The following ATP2B1 variants were observed in gnomAD, a reference collection of about 807,000 sequenced individuals.
ATP2B1 encodes the protein ATPase plasma membrane Ca2+ transporting 1.
A neutral mutation model predicts 124.2 loss-of-function variants in ATP2B1; 14 were observed. The ratio of observed to expected loss-of-function variants is 0.11; its 90% confidence interval spans 0.07 to 0.18. The LOEUF is 0.18. Among genes scored for constraint, ATP2B1 ranks in the 10% least tolerant of loss-of-function variants. The pLI is 1.00. For missense variants in ATP2B1, 763 were observed against 1,466.1 expected, an observed-to-expected ratio of 0.52 and a Z score of 7.83; for synonymous variants, 449 against 492.4, an observed-to-expected ratio of 0.91 and a Z score of 1.17.
chr12:89,676,341 T>C (rs1399200257), intron 1 of ATP2B1, among the ~76,000 whole-genome samples: 1 of 152,190 alleles, frequency 6.6e-6, no homozygotes, highest in Non-Finnish European at 1.5e-5. Flanking sequence ...TGGTGATGTA[T>C]TTTGTCAGAC....
At position 89,589,734 on chromosome 12, in the gene ATP2B1, G is replaced by A. The variant is rs1873208334; in HGVS notation, c.*1250C>T. The A allele has an allele frequency of 6.6e-6, 1 of 152,136 alleles. No homozygotes were observed. Among genetic ancestry groups the A allele is most frequent in the South Asian group, 2.1e-4 (1 of 4,822 alleles). 9.4% of individuals were successfully genotyped at this position (152,136 alleles called of 1,614,324 possible). A position where few individuals can be genotyped will look rare whatever the true frequency, so the allele number is the denominator to read the frequency against. On this transcript the variant is annotated 3_prime_UTR_variant, in exon 21 of 21. Transcript: ENST00000428670. ...ATTCCAATTGTGGTCAAAGAGAACA[G>A]ACTGATGCACTGTATATGCAGAACT...
chr12:89,599,786 G>GC (rs1343723924), intron 19 of ATP2B1, among the ~76,000 whole-genome samples: 2 of 151,926 alleles, frequency 1.3e-5, no homozygotes, highest in Admixed American at 6.6e-5. Context: ...TTTTTAAAAT[G>GC]CAACAGTTTA....
chr12:89,599,440 C>T (rs1875357478), intron 19 of ATP2B1, 141 bp from the exon 20 acceptor site: 2 of 884,352 alleles, frequency 2.3e-6, no homozygotes, highest in East Asian at 2.7e-5. Flanking sequence ...GTTGATTAGT[C>T]TTTCTCTCCC....
intron 1 of ATP2B1, among the ~76,000 whole-genome samples, chr12:89,671,337 C>A (rs1887953241): frequency 6.6e-6 from 1 of 152,130 alleles, no homozygotes; most frequent in Non-Finnish European, 1.5e-5. Context: ...AAAAGAAAAT[C>A]TGGCCTTTCT....
chr12:89,702,420 T>G (rs2136877012), intron 1 of ATP2B1, among the ~76,000 whole-genome samples: 1 of 152,308 alleles, frequency 6.6e-6, no homozygotes, highest in Middle Eastern at 3.4e-3. Context: ...GGCACAAATA[T>G]GAAAGGTAGA....
At chr12:89,694,455 G>C (rs942459926) in intron 1 of ATP2B1, among the ~76,000 whole-genome samples, 1 of 152,054 alleles carries the variant, frequency 6.6e-6, no homozygotes, top group African/African-American at 2.4e-5. Flanking sequence ...ATCTGCTTAT[G>C]GGGGGGTTAC....
intron 12 of ATP2B1, chr12:89,611,590 G>A (rs924557193): frequency 2.5e-6 from 1 of 399,726 alleles, no homozygotes. Flanking sequence ...CTCAGGCTTC[G>A]TTTTCAGTTG....
chr12:89,598,277 T>C (rs1217918369), intron 20 of ATP2B1, among the ~76,000 whole-genome samples: 4 of 152,192 alleles, frequency 2.6e-5, no homozygotes, highest in Admixed American at 2.6e-4. Context: ...TTTAAAGGCA[T>C]ATACTCAAAA....
chr12:89,662,737 C>G (rs1472175597), intron 1 of ATP2B1, among the ~76,000 whole-genome samples: 1 of 151,966 alleles, frequency 6.6e-6, no homozygotes, highest in African/African-American at 2.4e-5. Flanking sequence ...TTCCTAAATA[C>G]CATCCCTGTG....
Position 89,677,954 on chromosome 12 carries a change from TTATATATA to T in ATP2B1, c.-221-21855_-221-21848del, listed in dbSNP as rs61256358. Among the ~76,000 whole-genome samples the T allele has an allele frequency of 2.1e-3, 145 of 68,754 alleles. 4 individuals are homozygous for T. Among genetic ancestry groups the T allele is most frequent in the East Asian group, 7.7e-3 (21 of 2,734 alleles). 45.1% of individuals were successfully genotyped at this position (68,754 alleles called of 152,430 possible). The stretch of plus-strand genomic sequence containing the variant: ...TCAGGGGGTTGGGGGCATGCAGGAA[TTATATATA>T]TATATATATACACACACACACACAC... On this transcript the variant is annotated intron_variant, in intron 1 of 20. Coordinates refer to ENST00000428670, the MANE Select transcript of ATP2B1 (RefSeq NM_001366521.1).
In ATP2B1 at chr12:89,644,546, G is replaced by GA. The variant is rs371864870; in HGVS notation, c.209-2192dup. ...AGATTTCTCAGTTGAAAAAAAAAAA[G>GA]AAAAAAAAAAGACTTATCAGTTGAA... On this transcript the variant is annotated intron_variant, in intron 2 of 20. Transcript: ENST00000428670. Among the ~76,000 whole-genome samples the GA allele has an allele frequency of 7.7e-3, 1,084 of 141,668 alleles. 6 individuals are homozygous for GA. The highest frequency in any genetic ancestry group is 8.8e-3 in the Non-Finnish European group (564 of 64,222). 92.9% of individuals were successfully genotyped at this position (141,668 alleles called of 152,430 possible). A position where few individuals can be genotyped will look rare whatever the true frequency, so the allele number is the denominator to read the frequency against.
chr12:89,634,704 A>T (rs951063574), intron 5 of ATP2B1, 74 bp downstream of exon 5: 154 of 1,404,446 alleles, frequency 1.1e-4, no homozygotes, highest in Non-Finnish European at 1.4e-4. Flanking sequence ...GACTCTTAGG[A>T]AAATGGTGTT....
At chr12:89,692,927 C>T (rs953145270) in intron 1 of ATP2B1, among the ~76,000 whole-genome samples, 1 of 152,100 alleles carries the variant, frequency 6.6e-6, no homozygotes, top group Non-Finnish European at 1.5e-5. Context: ...AAATTGGTTT[C>T]GTTACACATC....
At chr12:89,667,641 C>T (rs1887470886) in intron 1 of ATP2B1, among the ~76,000 whole-genome samples, 1 of 152,166 alleles carries the variant, frequency 6.6e-6, no homozygotes, top group South Asian at 2.1e-4. Flanking sequence ...ATGTCCAAGG[C>T]TCTGTCTTCA....
intron 5 of ATP2B1, among the ~76,000 whole-genome samples, chr12:89,634,315 A>C (rs905552221): frequency 3.3e-5 from 5 of 152,210 alleles, no homozygotes; most frequent in Non-Finnish European, 5.9e-5. Context: ...GAGTTGGATT[A>C]GGTAAACTTT....
intron 1 of ATP2B1, among the ~76,000 whole-genome samples, chr12:89,665,051 G>A (rs1283900440): frequency 6.6e-6 from 1 of 151,966 alleles, no homozygotes; most frequent in African/African-American, 2.4e-5. Context: ...GGATAGTCTC[G>A]ATCTCCTGAC....
At chr12:89,658,587 G>A (rs930102733) in intron 1 of ATP2B1, among the ~76,000 whole-genome samples, 53 of 126,844 alleles carry the variant, frequency 4.2e-4, no homozygotes, top group African/African-American at 1.6e-3. Context: ...TTCAAACAGA[G>A]AATTCAAACA....
intron 1 of ATP2B1, among the ~76,000 whole-genome samples, chr12:89,676,648 G>T (rs986049866): frequency 5.3e-5 from 8 of 152,000 alleles, no homozygotes; most frequent in African/African-American, 1.9e-4. Context: ...GCTTTAACAG[G>T]ATAATAAAGT....
intron 6 of ATP2B1, among the ~76,000 whole-genome samples, chr12:89,628,464 A>C (rs1446826642): frequency 1.3e-5 from 2 of 151,846 alleles, no homozygotes; most frequent in Admixed American, 1.3e-4. Context: ...AGTGTTGATG[A>C]GAGTGAGGAC....
Sources: allele counts gnomAD v4.1 joint callset (sites outside exome capture counted in the v4.1 genomes callset), GRCh38; gene constraint gnomAD v4.1.1; transcripts MANE v1.5; gene names NCBI Gene and HGNC (gene_info 2026-07-23, HGNC 2026-07-21).